Variants in TMEFF2 observed in about 807,000 individuals in gnomAD.
TMEFF2 encodes the protein transmembrane protein with EGF like and two follistatin like domains 2.
TMEFF2 carries 28 observed loss-of-function variants against 53.8 expected under a neutral mutation model. The observed-to-expected ratio is 0.52, with a 90% CI of 0.39 to 0.71. TMEFF2 has a LOEUF of 0.71. Among genes scored for constraint, TMEFF2 ranks in the 30% least tolerant of loss-of-function variants. The pLI is 0.00. For synonymous variants in TMEFF2, 162 were observed against 166.3 expected (o/e 0.97, Z 0.20); for missense variants, 353 against 455.2 (o/e 0.78, Z 2.04).
intron 7 of TMEFF2, among the ~76,000 whole-genome samples, chr2:191,962,663 C>T (rs1692307487): frequency 6.6e-6 from 1 of 152,212 alleles, no homozygotes; most frequent in Admixed American, 6.5e-5. Context: ...GCAACATTTT[C>T]ACTTGACATC....
chr2:192,148,397 T>C (rs570696711), intron 4 of TMEFF2, among the ~76,000 whole-genome samples: 12 of 152,024 alleles, frequency 7.9e-5, no homozygotes, highest in Non-Finnish European at 1.8e-4. Context: ...CGACAGTCCA[T>C]GGAGAAAGTT....
At chr2:192,008,682 T>G (rs1048866550) in intron 5 of TMEFF2, among the ~76,000 whole-genome samples, 4 of 152,184 alleles carry the variant, frequency 2.6e-5, no homozygotes, top group African/African-American at 9.7e-5. Context: ...ATAAAGTTAC[T>G]TAAAAAAATC....
chr2:192,017,454 A>G (rs1029758128), intron 5 of TMEFF2, among the ~76,000 whole-genome samples: 1 of 152,150 alleles, frequency 6.6e-6, no homozygotes, highest in African/African-American at 2.4e-5. Flanking sequence ...GCCATATATC[A>G]ATATAGTGGA....
intron 4 of TMEFF2, among the ~76,000 whole-genome samples, chr2:192,108,264 C>T (rs1392894680): frequency 6.6e-6 from 1 of 151,786 alleles, no homozygotes; most frequent in East Asian, 1.9e-4. Flanking sequence ...CAAAAAGTAG[C>T]TAAATCAGAG....
chr2:192,124,163 G>A (rs1302051102), intron 4 of TMEFF2, among the ~76,000 whole-genome samples: 2 of 152,190 alleles, frequency 1.3e-5, no homozygotes, highest in South Asian at 4.1e-4. Context: ...AGAGCATTTG[G>A]ATTTAATCAA....
intron 5 of TMEFF2, among the ~76,000 whole-genome samples, chr2:192,013,882 C>T (rs1048384969): frequency 6.6e-6 from 1 of 152,116 alleles, no homozygotes; most frequent in Non-Finnish European, 1.5e-5. Flanking sequence ...AATAGGCACT[C>T]AATAAATATT....
In TMEFF2 at chr2:192,194,572, AGGATCGCGGGGGCCGGGCAGCG is replaced by A; in HGVS notation, c.-70_-49del. The A allele has an allele frequency of 6.3e-7, 1 of 1,587,464 alleles. No individual in the cohort carries two copies. Among genetic ancestry groups the A allele is most frequent in the Non-Finnish European group, 8.6e-7 (1 of 1,162,322 alleles). ...GCAGCAAACGGCTTCCGAGGAACAC[AGGATCGCGGGGGCCGGGCAGCG>A]GGCTACTGAGCATCCCGCGGACGGC... On this transcript the variant is annotated 5_prime_UTR_variant, in exon 1 of 10. The change abolishes the stop of an existing upstream ORF in the 5' untranslated region. Transcript: ENST00000272771. The surrounding 1 kb of genome is among the most constrained non-coding windows in gnomAD (Gnocchi z 4.2).
intron 7 of TMEFF2, among the ~76,000 whole-genome samples, chr2:191,990,833 A>C (rs1172790329): frequency 1.3e-5 from 2 of 151,820 alleles, no homozygotes; most frequent in Non-Finnish European, 2.9e-5. Flanking sequence ...GTGAAAAATA[A>C]TGTTTTATGT....
intron 4 of TMEFF2, among the ~76,000 whole-genome samples, chr2:192,167,286 GA>G (rs1055238825): frequency 1.3e-5 from 2 of 151,762 alleles, no homozygotes; most frequent in Admixed American, 6.6e-5. Flanking sequence ...GTGGAGTTAG[GA>G]AAAAAAATCT....
At chr2:192,063,510 C>A (rs1210999089) in intron 4 of TMEFF2, among the ~76,000 whole-genome samples, 1 of 151,668 alleles carries the variant, frequency 6.6e-6, no homozygotes, top group Middle Eastern at 3.2e-3. Flanking sequence ...TCATGTGCAC[C>A]TTAGAAGTTG....
intron 5 of TMEFF2, among the ~76,000 whole-genome samples, chr2:192,033,949 G>A (rs2105876087): frequency 6.6e-6 from 1 of 152,212 alleles, no homozygotes; most frequent in East Asian, 1.9e-4. Context: ...GCCTAGGTGG[G>A]CAGATCACGA....
chr2:192,087,029 TTAATA>T (rs1688682837), intron 4 of TMEFF2, among the ~76,000 whole-genome samples: 1 of 150,432 alleles, frequency 6.6e-6, no homozygotes, highest in South Asian at 2.1e-4. Context: ...ATATTTGTAT[TTAATA>T]TATTATATAT....
intron 7 of TMEFF2, among the ~76,000 whole-genome samples, chr2:191,967,597 G>A (rs1180487658): frequency 1.3e-5 from 2 of 152,062 alleles, no homozygotes; most frequent in Non-Finnish European, 2.9e-5. Flanking sequence ...ATTCTGACGT[G>A]CAAATAGTGT....
intron 4 of TMEFF2, among the ~76,000 whole-genome samples, chr2:192,061,801 G>T (rs1688050633): frequency 6.6e-6 from 1 of 152,104 alleles, no homozygotes; most frequent in Non-Finnish European, 1.5e-5. Flanking sequence ...GTTCACATGA[G>T]ATCTGCTTGT....
intron 4 of TMEFF2, among the ~76,000 whole-genome samples, chr2:192,143,470 T>C (rs1690183267): frequency 6.6e-6 from 1 of 152,160 alleles, no homozygotes; most frequent in Non-Finnish European, 1.5e-5. Context: ...TATTTATTTA[T>C]GCAAACCCAT....
intron 5 of TMEFF2, among the ~76,000 whole-genome samples, chr2:192,026,425 G>GTTATCATCCT (rs1686972540): frequency 6.6e-6 from 1 of 152,134 alleles, no homozygotes; most frequent in African/African-American, 2.4e-5. Flanking sequence ...GCGCATCATC[G>GTTATCATCCT]TTATCATCCT....
intron 7 of TMEFF2, among the ~76,000 whole-genome samples, chr2:191,957,017 C>T (rs1692123544): frequency 6.6e-6 from 1 of 152,184 alleles, no homozygotes; most frequent in Admixed American, 6.5e-5. Context: ...ACACTGAATA[C>T]TGTAAGTGTA....
intron 5 of TMEFF2, among the ~76,000 whole-genome samples, chr2:192,039,151 C>T (rs1013077000): frequency 1.3e-5 from 2 of 151,874 alleles, no homozygotes; most frequent in African/African-American, 2.4e-5. Context: ...AGACGAATAA[C>T]TGGGTTAAAG....
rs1229446095 is a variant in TMEFF2 at position 191,949,051 on chromosome 2, A to AG, written c.*1259dup. ...TAAAGTCCACGCACAGGTTATTTGAAGGAGACAAAGAGAGCTTTATTTAAA... is the reference window on the plus strand; with the variant it reads ...TAAAGTCCACGCACAGGTTATTTGAAGGGAGACAAAGAGAGCTTTATTTAAA... On this transcript the variant is annotated 3_prime_UTR_variant, in exon 10 of 10. Transcript: ENST00000272771. The AG allele has an allele frequency of 1.0e-6, 1 of 983,678 alleles. No individual in the cohort carries two copies. Among genetic ancestry groups the AG allele is most frequent in the Non-Finnish European group, 1.2e-6 (1 of 828,522 alleles). 60.9% of individuals were successfully genotyped at this position (983,678 alleles called of 1,614,324 possible).
Sources: allele counts gnomAD v4.1 joint callset (sites outside exome capture counted in the v4.1 genomes callset), GRCh38; gene constraint gnomAD v4.1.1; non-coding constraint Gnocchi (gnomAD v3.1); transcripts MANE v1.5; gene names NCBI Gene and HGNC (gene_info 2026-07-23, HGNC 2026-07-21).